ARMC9: variants seen among roughly 807,000 people sequenced by gnomAD.
ARMC9 encodes the protein lisH domain-containing protein ARMC9.
A neutral mutation model predicts 107.0 loss-of-function variants in ARMC9; 94 were observed. The observed-to-expected ratio is 0.88, with a 90% CI of 0.74 to 1.04. The LOEUF (loss-of-function observed/expected upper bound fraction) is 1.04, where lower values mean the gene tolerates loss of function less well. ARMC9 is among the 50% of genes least tolerant of loss of function. The probability of loss-of-function intolerance (pLI) is 0.00; values close to 1 mark genes in which losing one functional copy is unlikely to be tolerated. For missense variants in ARMC9, 942 were observed against 1,030.1 expected (o/e 0.91, Z 1.17); for synonymous variants, 380 against 396.9 (o/e 0.96, Z 0.51).
chr2:231,354,456 A>T (rs1213169317), intron 21 of ARMC9, among the ~76,000 whole-genome samples: 1 of 142,912 alleles, frequency 7.0e-6, no homozygotes, highest in African/African-American at 2.6e-5. Flanking sequence ...ATCTTGGCTC[A>T]CTACAACCTC....
At chr2:231,245,433 C>T (rs996654559) in intron 9 of ARMC9, among the ~76,000 whole-genome samples, 1 of 152,188 alleles carries the variant, frequency 6.6e-6, no homozygotes, top group Non-Finnish European at 1.5e-5. Context: ...AGAGCAGCTC[C>T]CTGGCTGTGA....
At chr2:231,262,213 T>C in intron 11 of ARMC9, 93 bp from the exon 12 acceptor site, 1 of 1,126,018 alleles carries the variant, frequency 8.9e-7, no homozygotes, top group Non-Finnish European at 1.4e-6. Flanking sequence ...AATGTGTAGG[T>C]ACTGATACTG....
chr2:231,220,920 G>A (rs963205233), intron 5 of ARMC9, among the ~76,000 whole-genome samples: 5 of 152,204 alleles, frequency 3.3e-5, no homozygotes, highest in Non-Finnish European at 5.9e-5. Context: ...TATGTCCCAA[G>A]CATTTTGTTT....
At chr2:231,356,522 ACT>A (rs994968937) in intron 22 of ARMC9, among the ~76,000 whole-genome samples, 1 of 152,134 alleles carries the variant, frequency 6.6e-6, no homozygotes, top group African/African-American at 2.4e-5. Context: ...TTCAGATAAG[ACT>A]CTAATTTCCA....
At chr2:231,225,686 A>G (rs1279350490) in intron 6 of ARMC9, among the ~76,000 whole-genome samples, 1 of 152,240 alleles carries the variant, frequency 6.6e-6, no homozygotes, top group African/African-American at 2.4e-5. Context: ...GGAGAGACAG[A>G]AAGTATATTA....
At chr2:231,307,309 G>A (rs1208587603) in intron 19 of ARMC9, among the ~76,000 whole-genome samples, 1 of 152,140 alleles carries the variant, frequency 6.6e-6, no homozygotes, top group East Asian at 1.9e-4. Flanking sequence ...TCGAGCAAAG[G>A]GGCTTTCCCT....
At chr2:231,370,222 G>C in intron 24 of ARMC9, 97 bp downstream of exon 24, 1 of 1,345,522 alleles carries the variant, frequency 7.4e-7, no homozygotes, top group Non-Finnish European at 9.8e-7. Context: ...GTGCTCCTGT[G>C]TGTACCAGGC....
chr2:231,208,542 GTTTCAGGTTA>G (rs2032365524), intron 3 of ARMC9, among the ~76,000 whole-genome samples: 2 of 152,362 alleles, frequency 1.3e-5, no homozygotes, highest in Non-Finnish European at 2.9e-5. Context: ...CTCCTGAGGA[GTTTCAGGTTA>G]TTAATTCTAG....
intron 7 of ARMC9, among the ~76,000 whole-genome samples, chr2:231,230,640 C>T (rs2035122904): frequency 6.6e-6 from 1 of 152,140 alleles, no homozygotes; most frequent in East Asian, 1.9e-4. Flanking sequence ...AGGACCCCCA[C>T]AGATAACTAA....
chr2:231,276,703 C>G lies in ARMC9; in HGVS notation c.1402C>G (p.Pro468Ala), dbSNP rs1338037967. The change falls in exon 15 of 25, where the codon CCT becomes GCT. Residue 468 changes from proline (P) to alanine (A), a missense_variant. Transcript: ENST00000611582. Reference sequence around the variant, plus strand: ...CTGGCTGGTTGATGTTCTGAAGGACCCTGACTGCCTGTCTGACTACACGCT... The same window carrying G: ...CTGGCTGGTTGATGTTCTGAAGGACGCTGACTGCCTGTCTGACTACACGCT... ...IFWLVDVLKD[P>A]DCLSDYTLEY... 3 of 1,614,138 alleles carry G rather than the reference C, an allele frequency of 1.9e-6. No homozygotes were observed. Among genetic ancestry groups the G allele is most frequent in the Non-Finnish European group, 1.7e-6 (2 of 1,180,026 alleles).
At chr2:231,338,681 G>T (rs75138589) in intron 20 of ARMC9, among the ~76,000 whole-genome samples, 4,598 of 151,364 alleles carry the variant, frequency 0.03, 232 homozygotes, top group African/African-American at 0.11. Context: ...AAATTCAAAT[G>T]TTAAAAATTG....
chr2:231,200,817 A>G (rs2030790254), intron 1 of ARMC9, among the ~76,000 whole-genome samples: 1 of 151,976 alleles, frequency 6.6e-6, no homozygotes, highest in Non-Finnish European at 1.5e-5. Flanking sequence ...CCTGGGCAAC[A>G]GAGCTAAACT....
intron 1 of ARMC9, among the ~76,000 whole-genome samples, chr2:231,200,783 C>T (rs1407841978): frequency 1.3e-5 from 2 of 151,122 alleles, no homozygotes; most frequent in Non-Finnish European, 2.9e-5. Context: ...TGCAGTGAGC[C>T]GAGATCCCGC....
chr2:231,221,465 CATA>C (rs2034116937), intron 5 of ARMC9, among the ~76,000 whole-genome samples: 1 of 152,008 alleles, frequency 6.6e-6, no homozygotes, highest in Non-Finnish European at 1.5e-5. Flanking sequence ...CAGTTCAATC[CATA>C]ATAACACACA....
intron 19 of ARMC9, among the ~76,000 whole-genome samples, chr2:231,327,496 G>C (rs553503103): frequency 1.3e-4 from 20 of 152,210 alleles, no homozygotes; most frequent in African/African-American, 3.6e-4. Flanking sequence ...ATCCATCCAG[G>C]CTTGTGTACA....
At chr2:231,361,180 G>A (rs527301890) in intron 23 of ARMC9, among the ~76,000 whole-genome samples, 1 of 152,228 alleles carries the variant, frequency 6.6e-6, no homozygotes, top group Non-Finnish European at 1.5e-5. Context: ...AGGGCTGGGT[G>A]ATGGGGTGAC....
Position 231,203,188 on chromosome 2 carries a change from C to T in ARMC9, c.-41-3010C>T, listed in dbSNP as rs547926237. On this transcript the variant is annotated intron_variant, in intron 1 of 24. Transcript: ENST00000611582. ...TTCTTACAATACCCACTGACCATTTCGGAACCTCCACTGGAATGTCTAACA... is the reference window on the plus strand; with the variant it reads ...TTCTTACAATACCCACTGACCATTTTGGAACCTCCACTGGAATGTCTAACA... Among the ~76,000 whole-genome samples the T allele has an allele frequency of 1.8e-3, 281 of 152,264 alleles. 1 individual carries two copies. The highest frequency in any genetic ancestry group is 6.3e-3 in the African/African-American group (261 of 41,550).
intron 7 of ARMC9, among the ~76,000 whole-genome samples, chr2:231,229,979 A>G (rs971807870): frequency 6.6e-6 from 1 of 152,198 alleles, no homozygotes; most frequent in Admixed American, 6.5e-5. Context: ...AATTTTGGAT[A>G]TGAAGAGTCT....
chr2:231,264,497 T>C (rs2038675264), intron 12 of ARMC9, among the ~76,000 whole-genome samples: 1 of 143,480 alleles, frequency 7.0e-6, no homozygotes, highest in Non-Finnish European at 1.5e-5. Context: ...TTTATTTATT[T>C]ATTCATTTAT....
Sources: allele counts gnomAD v4.1 joint callset (sites outside exome capture counted in the v4.1 genomes callset), GRCh38; gene constraint gnomAD v4.1.1; transcripts MANE v1.5; gene names NCBI Gene and HGNC (gene_info 2026-07-23, HGNC 2026-07-21).